Variants in HS3ST2 observed in about 807,000 individuals in gnomAD.
HS3ST2 encodes the protein heparan sulfate-glucosamine 3-sulfotransferase 2, also known as heparan sulfate glucosamine 3-O-sulfotransferase 2.
Under a neutral mutation model 26.3 loss-of-function variants are expected in HS3ST2, and 17 were observed. That is an observed-to-expected ratio of 0.65 (90% confidence interval 0.44 to 0.97). HS3ST2 has a LOEUF of 0.97. Among genes scored for constraint, HS3ST2 ranks in the 50% least tolerant of loss-of-function variants. The pLI, the probability that HS3ST2 is intolerant of heterozygous loss-of-function variation, is 0.00. For missense variants in HS3ST2, 402 were observed against 501.2 expected (o/e 0.80, Z 1.89); for synonymous variants, 237 against 219.2 (o/e 1.08, Z -0.72).
At chr16:22,861,088 G>A (rs918042073) in intron 1 of HS3ST2, among the ~76,000 whole-genome samples, 1 of 152,032 alleles carries the variant, frequency 6.6e-6, no homozygotes, top group African/African-American at 2.4e-5. Context: ...TGTTGCCCAG[G>A]CTGATCTTGA....
At chr16:22,848,187 C>T (rs925964248) in intron 1 of HS3ST2, among the ~76,000 whole-genome samples, 5 of 152,170 alleles carry the variant, frequency 3.3e-5, no homozygotes, top group African/African-American at 9.7e-5. Context: ...TGGATTTTGG[C>T]GTCAAAGGAG....
chr16:22,872,343 G>C (rs1309977560), intron 1 of HS3ST2, among the ~76,000 whole-genome samples: 1 of 152,134 alleles, frequency 6.6e-6, no homozygotes, highest in African/African-American at 2.4e-5. Context: ...TTTACCCAGA[G>C]CTTTATCTCC....
At chr16:22,851,178 G>A (rs551088054) in intron 1 of HS3ST2, among the ~76,000 whole-genome samples, 2 of 152,316 alleles carry the variant, frequency 1.3e-5, no homozygotes, top group South Asian at 4.2e-4. Flanking sequence ...AGTCATTGAG[G>A]CCAGTCTAGA....
At chr16:22,893,411 T>G (rs1328654047) in intron 1 of HS3ST2, among the ~76,000 whole-genome samples, 2 of 152,216 alleles carry the variant, frequency 1.3e-5, no homozygotes, top group African/African-American at 4.8e-5. Context: ...GAGATGGATA[T>G]TCTGTTTCAC....
intron 1 of HS3ST2, among the ~76,000 whole-genome samples, chr16:22,877,116 A>G (rs1672498454): frequency 6.6e-6 from 1 of 152,188 alleles, no homozygotes; most frequent in African/African-American, 2.4e-5. Context: ...CCGTTCCCCA[A>G]AAGCTTATTG....
chr16:22,898,924 A>G (rs1017861133), intron 1 of HS3ST2, among the ~76,000 whole-genome samples: 1 of 152,160 alleles, frequency 6.6e-6, no homozygotes, highest in African/African-American at 2.4e-5. Flanking sequence ...AAGCATTCCT[A>G]TCATTGGTTA....
At chr16:22,907,349 G>T (rs545408934) in intron 1 of HS3ST2, among the ~76,000 whole-genome samples, 29 of 152,190 alleles carry the variant, frequency 1.9e-4, no homozygotes, top group Non-Finnish European at 3.8e-4. Flanking sequence ...AATTGGATTT[G>T]CTCCAGAAAG....
At chr16:22,899,326 A>G (rs1902251660) in intron 1 of HS3ST2, among the ~76,000 whole-genome samples, 1 of 152,160 alleles carries the variant, frequency 6.6e-6, no homozygotes, top group African/African-American at 2.4e-5. Context: ...TACTCAGCCT[A>G]GTGCTGGGCA....
chr16:22,890,787 C>T (rs1404611763), intron 1 of HS3ST2, among the ~76,000 whole-genome samples: 1 of 152,212 alleles, frequency 6.6e-6, no homozygotes, highest in Non-Finnish European at 1.5e-5. Context: ...GTAGGTTTAA[C>T]CACCAAACTC....
intron 1 of HS3ST2, among the ~76,000 whole-genome samples, chr16:22,888,701 T>C (rs1395929800): frequency 1.3e-5 from 2 of 152,224 alleles, no homozygotes; most frequent in African/African-American, 4.8e-5. Flanking sequence ...CTGGCTTTTC[T>C]TAGCATTAGA....
chr16:22,859,664 CAAAATTCCCACTGCTAGGCTTGATGG>C (rs1901648221), intron 1 of HS3ST2, among the ~76,000 whole-genome samples: 1 of 152,156 alleles, frequency 6.6e-6, no homozygotes, highest in Admixed American at 6.5e-5. Flanking sequence ...CCTCTGATTT[CAAAATTCCCACTGCTAGGCTTGATGG>C]AAAATTCCAG....
At chr16:22,861,294 G>A (rs1160359223) in intron 1 of HS3ST2, among the ~76,000 whole-genome samples, 1 of 151,840 alleles carries the variant, frequency 6.6e-6, no homozygotes, top group Non-Finnish European at 1.5e-5. Context: ...TACACTTGTG[G>A]GCCCATCTCT....
intron 1 of HS3ST2, among the ~76,000 whole-genome samples, chr16:22,842,062 CTTTT>C (rs11285807): frequency 9.8e-5 from 11 of 111,756 alleles, no homozygotes; most frequent in Middle Eastern, 9.6e-3. Flanking sequence ...TCTTTTCTTT[CTTTT>C]TTTTTTTTTT....
intron 1 of HS3ST2, among the ~76,000 whole-genome samples, chr16:22,821,890 G>GTA (rs1001376023): frequency 6.6e-5 from 10 of 152,172 alleles, no homozygotes; most frequent in African/African-American, 2.4e-4. Context: ...GGGCTTGGGT[G>GTA]ATCTGGAGCC....
chr16:22,849,382 AAATGTTACAGCT>A (rs1901488652), intron 1 of HS3ST2, among the ~76,000 whole-genome samples: 1 of 152,218 alleles, frequency 6.6e-6, no homozygotes, highest in Non-Finnish European at 1.5e-5. Flanking sequence ...TGCAATACAG[AAATGTTACAGCT>A]CATCTTCTAT....
At chr16:22,885,516 T>TTCG (rs1902048228) in intron 1 of HS3ST2, among the ~76,000 whole-genome samples, 1 of 151,646 alleles carries the variant, frequency 6.6e-6, no homozygotes, top group Non-Finnish European at 1.5e-5. Flanking sequence ...GGTGCAGTGG[T>TTCG]GGGATCTCGG....
intron 1 of HS3ST2, among the ~76,000 whole-genome samples, chr16:22,851,325 T>A (rs1361386312): frequency 6.6e-6 from 1 of 152,252 alleles, no homozygotes; most frequent in African/African-American, 2.4e-5. Flanking sequence ...TGTAATTTAA[T>A]GCTCACATCA....
At chr16:22,912,736 T>C (rs1408766698) in intron 1 of HS3ST2, among the ~76,000 whole-genome samples, 2 of 152,006 alleles carry the variant, frequency 1.3e-5, no homozygotes, top group Non-Finnish European at 2.9e-5. Context: ...TATGCAGAAA[T>C]TTACCACCCT....
At chr16:22,875,369 A>AATTTATTTATTTATTTATTT (rs538593972) in intron 1 of HS3ST2, among the ~76,000 whole-genome samples, 1 of 151,492 alleles carries the variant, frequency 6.6e-6, no homozygotes, top group East Asian at 1.9e-4. Flanking sequence ...ACTTTTAATA[A>AATTTATTTATTTATTTATTT]ATTTATTTAT....
Sources: allele counts gnomAD v4.1 joint callset (sites outside exome capture counted in the v4.1 genomes callset), GRCh38; gene constraint gnomAD v4.1.1; transcripts MANE v1.5; gene names NCBI Gene and HGNC (gene_info 2026-07-23, HGNC 2026-07-21).